Variants in IL1RAPL2 observed in about 807,000 individuals in gnomAD.
IL1RAPL2 encodes the protein X-linked interleukin-1 receptor accessory protein-like 2.
Under a neutral mutation model 44.1 loss-of-function variants are expected in IL1RAPL2, and 3 were observed. That is an observed-to-expected ratio of 0.07 (90% CI 0.03 to 0.18). The LOEUF (loss-of-function observed/expected upper bound fraction) is 0.18, where lower values mean the gene tolerates loss of function less well. Ranked by LOEUF, IL1RAPL2 falls within the 10% of genes least tolerant of loss-of-function variation. IL1RAPL2 has a pLI of 1.00. For synonymous variants in IL1RAPL2, 181 were observed against 178.8 expected (o/e 1.01, Z -0.10); for missense variants, 391 against 496.4 (o/e 0.79, Z 2.02).
At chrX:104,938,571 C>G (rs769330981) in intron 2 of IL1RAPL2, among the ~76,000 whole-genome samples, 1 of 110,245 alleles carries the variant, frequency 9.1e-6, no homozygotes, top group East Asian at 2.8e-4. Flanking sequence ...GATTCTAATT[C>G]TAAATTTATA....
intron 2 of IL1RAPL2, among the ~76,000 whole-genome samples, chrX:105,037,974 C>T (rs1198572222): frequency 8.9e-6 from 1 of 111,861 alleles, no homozygotes; most frequent in Non-Finnish European, 1.9e-5. Flanking sequence ...ATTATGTTGT[C>T]ATGATGGCTG....
intron 2 of IL1RAPL2, among the ~76,000 whole-genome samples, chrX:104,883,289 G>A (rs777651826): frequency 6.3e-5 from 7 of 111,380 alleles, no homozygotes; most frequent in East Asian, 2.8e-4. Context: ...CGACTAGTGC[G>A]GCCACCAGAC....
At chrX:104,923,515 A>G (rs765121262) in intron 2 of IL1RAPL2, among the ~76,000 whole-genome samples, 1 of 112,223 alleles carries the variant, frequency 8.9e-6, no homozygotes, top group East Asian at 2.8e-4. Context: ...AGCCTCCTTA[A>G]ATGAAAAATA....
At chrX:105,199,531 TTTAAACA>T (rs2033699141) in intron 3 of IL1RAPL2, among the ~76,000 whole-genome samples, 1 of 111,258 alleles carries the variant, frequency 9.0e-6, no homozygotes, top group African/African-American at 3.3e-5. Flanking sequence ...TCTATTTGCT[TTTAAACA>T]AAGCCATAGA....
At chrX:104,730,262 G>A (rs1227717342) in intron 2 of IL1RAPL2, among the ~76,000 whole-genome samples, 1 of 108,643 alleles carries the variant, frequency 9.2e-6, no homozygotes, top group Non-Finnish European at 1.9e-5. Flanking sequence ...TAGGGTACAT[G>A]TGCACAATGT....
intron 2 of IL1RAPL2, among the ~76,000 whole-genome samples, chrX:105,045,252 A>G (rs768994254): frequency 8.9e-5 from 10 of 111,951 alleles, no homozygotes; most frequent in Non-Finnish European, 1.7e-4. Context: ...ACAATATTGT[A>G]AACACTGAAC....
intron 1 of IL1RAPL2, among the ~76,000 whole-genome samples, chrX:104,604,331 A>G (rs943790027): frequency 7.2e-5 from 8 of 111,538 alleles, no homozygotes; most frequent in African/African-American, 1.6e-4. Context: ...AAGAACAACC[A>G]GTACCAGCCA....
chrX:105,327,952 T>C (rs1326259166), intron 5 of IL1RAPL2, among the ~76,000 whole-genome samples: 1 of 111,768 alleles, frequency 8.9e-6, no homozygotes, highest in Non-Finnish European at 1.9e-5. Flanking sequence ...TCTCTAAAAA[T>C]TAATCTTCTG....
At chrX:105,415,862 T>G (rs1393380701) in intron 5 of IL1RAPL2, among the ~76,000 whole-genome samples, 8 of 111,981 alleles carry the variant, frequency 7.1e-5, no homozygotes, top group Non-Finnish European at 1.3e-4. Flanking sequence ...TGTGTTTTCC[T>G]TATGGCATAT....
intron 2 of IL1RAPL2, among the ~76,000 whole-genome samples, chrX:104,667,675 AT>A (rs1039122422): frequency 9.0e-6 from 1 of 111,550 alleles, no homozygotes; most frequent in African/African-American, 3.3e-5. Flanking sequence ...TGTGGACATC[AT>A]TAGCCTCATT....
chrX:104,884,068 A>G (rs1051686794), intron 2 of IL1RAPL2, among the ~76,000 whole-genome samples: 13 of 110,359 alleles, frequency 1.2e-4, no homozygotes, highest in African/African-American at 4.4e-4. Context: ...GGGCCGCTAA[A>G]TCCGATTTTT....
intron 6 of IL1RAPL2, among the ~76,000 whole-genome samples, chrX:105,712,858 G>C (rs2038222715): frequency 8.9e-6 from 1 of 112,189 alleles, no homozygotes; most frequent in Admixed American, 9.4e-5. Flanking sequence ...AGATACAATG[G>C]GGGTACAGGC....
intron 4 of IL1RAPL2, among the ~76,000 whole-genome samples, chrX:105,243,601 A>G (rs1357337088): frequency 1.2e-5 from 1 of 85,279 alleles, no homozygotes; most frequent in Admixed American, 1.2e-4. Flanking sequence ...ATATATATAT[A>G]TATATTTTTT....
At chrX:105,033,459 A>G (rs1404263432) in intron 2 of IL1RAPL2, among the ~76,000 whole-genome samples, 4 of 111,077 alleles carry the variant, frequency 3.6e-5, no homozygotes, top group Non-Finnish European at 5.7e-5. Context: ...TCTGTAAAGT[A>G]TTTTATTTTT....
At chrX:105,436,382 G>T (rs935643238) in intron 5 of IL1RAPL2, among the ~76,000 whole-genome samples, 5 of 111,346 alleles carry the variant, frequency 4.5e-5, no homozygotes, top group Admixed American at 3.8e-4. Flanking sequence ...TCCAAAAATT[G>T]TAATAAAATA....
chrX:105,384,532 T>G (rs2035461993), intron 5 of IL1RAPL2, among the ~76,000 whole-genome samples: 1 of 111,789 alleles, frequency 8.9e-6, no homozygotes, highest in East Asian at 2.8e-4. Flanking sequence ...TAATTTGAAG[T>G]CAAGGACTAT....
chrX:105,044,268 C>T (rs765869175), intron 2 of IL1RAPL2, among the ~76,000 whole-genome samples: 2 of 111,104 alleles, frequency 1.8e-5, no homozygotes, highest in Non-Finnish European at 3.8e-5. Context: ...TGCACTTAGG[C>T]CTACCAGATC....
intron 6 of IL1RAPL2, among the ~76,000 whole-genome samples, chrX:105,594,456 C>T (rs1389461141): frequency 9.0e-6 from 1 of 111,640 alleles, no homozygotes; most frequent in Non-Finnish European, 1.9e-5. Flanking sequence ...GGTTATCTGT[C>T]TCAGCTATTG....
At chrX:105,367,406 C>A (rs964791430) in intron 5 of IL1RAPL2, among the ~76,000 whole-genome samples, 7 of 111,543 alleles carry the variant, frequency 6.3e-5, no homozygotes, top group Admixed American at 4.8e-4. Context: ...TGTTAATTTG[C>A]AGATCCTTTG....
Sources: allele counts gnomAD v4.1 joint callset (sites outside exome capture counted in the v4.1 genomes callset), GRCh38; gene constraint gnomAD v4.1.1; transcripts MANE v1.5; gene names NCBI Gene and HGNC (gene_info 2026-07-23, HGNC 2026-07-21).